QRICH2: variants seen among roughly 807,000 people sequenced by gnomAD.
QRICH2 encodes the protein glutamine rich 2.
Under a neutral mutation model 168.3 loss-of-function variants are expected in QRICH2, and 119 were observed. That is an observed-to-expected ratio of 0.71 (90% CI 0.61 to 0.82). The LOEUF is 0.82. Ranked by LOEUF, QRICH2 falls within the 40% of genes least tolerant of loss-of-function variation. The pLI is 0.00. For missense variants in QRICH2, 2,241 were observed against 2,491.6 expected, an observed-to-expected ratio of 0.90 and a Z score of 2.14; for synonymous variants, 894 against 951.2, an observed-to-expected ratio of 0.94 and a Z score of 1.11.
rs554427852 is a variant in QRICH2, at chr17:76,281,943, C to A, written c.4184G>T (p.Arg1395Leu). ...CATGTCTTGGAGTTGCTCATAGCGC[C>A]GCACCAGCGTGCTGACCTGATGGCT... ...DVSHQVSTLV[R>L]RYEQLQDMVN... is the part of the protein sequence containing the mutation. Residue 1395 changes from arginine to leucine, a missense_variant, in exon 8 of 19, where the codon CGG becomes CTG. By Grantham distance (102) the Arg-to-Leu change is moderately radical (BLOSUM62 -2). Around this residue, in one of 3 missense-constraint regions of QRICH2, gnomAD observed 2,047 missense variants for 2,303.8 expected, o/e 0.89. Transcript: ENST00000680821. The surrounding 1 kb of genome is among the most constrained non-coding windows in gnomAD (Gnocchi z 4.4). 1 of 1,613,858 alleles carries A rather than the reference C, an allele frequency of 6.2e-7. No homozygotes were observed. The highest frequency in any genetic ancestry group is 1.1e-5 in the South Asian group (1 of 91,076).
At chr17:76,308,555 T>TG (rs1021417372), upstream of QRICH2, 2 of 918,192 alleles carry the variant, frequency 2.2e-6, no homozygotes, top group African/African-American at 3.6e-5. Context: ...TCCAGAGTGG[T>TG]GGCCCCATGT....
rs2070801197 is a variant in QRICH2 at position 76,282,128 on chromosome 17, G to C, written c.4012-13C>G. ...TGAGCTTGTCCAACTGCGTGCAGGAGAGACGGCAGCAGCAGGGCAGTGAGG... is the reference window on the plus strand; with the variant it reads ...TGAGCTTGTCCAACTGCGTGCAGGACAGACGGCAGCAGCAGGGCAGTGAGG... On this transcript the variant is annotated splice_polypyrimidine_tract_variant and intron_variant, in intron 7 of 18. Coordinates refer to ENST00000680821, the MANE Select transcript of QRICH2 (RefSeq NM_001388453.1). The C allele has an allele frequency of 6.3e-7, 1 of 1,591,182 alleles. No homozygotes were observed. The highest frequency in any genetic ancestry group is 2.3e-5 in the East Asian group (1 of 44,266).
Position 76,304,440 on chromosome 17 carries a change from G to T in QRICH2, c.680C>A (p.Thr227Lys). The T allele has an allele frequency of 6.2e-7, 1 of 1,613,274 alleles. No individual in the cohort carries two copies. The highest frequency in any genetic ancestry group is 1.3e-5 in the African/African-American group (1 of 75,060). ...CGCTTGTGAGGCTCTCCAGCCGTCC[G>T]TAATCGCCTGCTCCAGCTCTTCCCA... The part of the protein sequence containing the change: ...VTWEELEQAI[T>K]DGWRASQAGS... The change falls in exon 3 of 19, where the codon ACG becomes AAG. Residue 227 changes from threonine to lysine, a missense_variant. Thr to Lys is a moderately conservative substitution (Grantham distance 78). Around this residue, in one of 3 missense-constraint regions of QRICH2, gnomAD observed 2,047 missense variants for 2,303.8 expected, o/e 0.89. Coordinates refer to ENST00000680821, the MANE Select transcript of QRICH2 (RefSeq NM_001388453.1).
At position 76,287,837 on chromosome 17, in the gene QRICH2, T is replaced by C. The variant is rs2070918218; in HGVS notation, c.3859A>G (p.Lys1287Glu). Residue 1287 changes from lysine (K) to glutamate (E), a missense_variant, in exon 6 of 19, where the codon AAA becomes GAA. Physicochemically the swap from Lys to Glu is moderately conservative, Grantham distance 56. Coordinates refer to ENST00000680821, the MANE Select transcript of QRICH2 (RefSeq NM_001388453.1). ...EGNQEAGKEL[K>E]AGELRLQLGV... The stretch of plus-strand genomic sequence containing the variant: ...AGCTGCAATCTCAGCTCTCCAGCTT[T>C]CAGTTCCTTCCCTGCTTCTTGATTC... 3.1e-6 allele frequency: 5 copies of C among 1,614,152 alleles called. No homozygotes were observed. Among genetic ancestry groups the C allele is most frequent in the Non-Finnish European group, 4.2e-6 (5 of 1,180,010 alleles).
At chr17:76,295,182 C>G (rs901038826) in intron 3 of QRICH2, among the ~76,000 whole-genome samples, 4 of 151,866 alleles carry the variant, frequency 2.6e-5, no homozygotes, top group Admixed American at 6.6e-5. Flanking sequence ...TCGCCTGAAC[C>G]CAGGAGGCAG....
At position 76,280,560 on chromosome 17, in the gene QRICH2, C is replaced by T. The variant is rs969617893; in HGVS notation, c.4461+94G>A. On this transcript the variant is annotated intron_variant, in intron 10 of 18. Coordinates refer to ENST00000680821, the MANE Select transcript of QRICH2 (RefSeq NM_001388453.1). This position sits in a 1 kb window ranked among gnomAD's most constrained non-coding sequence, Gnocchi z 7.4. Reference sequence around the variant, plus strand: ...CCAGGCAGGTTTCTGAGAGCCCACACTCGTCTCGCCAGCTCCCCTCCACTC... The same window carrying T: ...CCAGGCAGGTTTCTGAGAGCCCACATTCGTCTCGCCAGCTCCCCTCCACTC... 1.4e-5 allele frequency: 22 copies of T among 1,594,786 alleles called. No homozygotes were observed. The highest frequency in any genetic ancestry group is 1.8e-5 in the Non-Finnish European group (21 of 1,165,420).
Position 76,281,216 on chromosome 17 carries a change from C to T in QRICH2, c.4264-263G>A, listed in dbSNP as rs1381137632. 6.6e-6 allele frequency among the ~76,000 whole-genome samples: 1 copy of T among 152,168 alleles called. No homozygotes were observed. Among genetic ancestry groups the T allele is most frequent in the Admixed American group, 6.5e-5 (1 of 15,276 alleles). ...GGAAAACAATTTTCCACTAACAGTG[C>T]GGGAGGCCCTCTGTCTGCCCTTTCT... On this transcript the variant is annotated intron_variant, in intron 8 of 18. Coordinates refer to ENST00000680821, the MANE Select transcript of QRICH2 (RefSeq NM_001388453.1). The surrounding 1 kb of genome is among the most constrained non-coding windows in gnomAD (Gnocchi z 4.4).
intron 3 of QRICH2, among the ~76,000 whole-genome samples, chr17:76,297,020 C>T (rs2070808341): frequency 6.6e-6 from 1 of 152,170 alleles, no homozygotes; most frequent in African/African-American, 2.4e-5. Flanking sequence ...AAAAACTCAT[C>T]ATTCAAGTAG....
rs1015490779 is a variant in QRICH2, at chr17:76,296,796, A to T, written c.706-2775T>A. On this transcript the variant is annotated intron_variant, in intron 3 of 18. Coordinates refer to ENST00000680821, the MANE Select transcript of QRICH2 (RefSeq NM_001388453.1). ...CTGTCTCAAAAAAAAAAAAAAAAAAAAATAACCAGAAAGAAGGGAGATGAC... is the reference window on the plus strand; with the variant it reads ...CTGTCTCAAAAAAAAAAAAAAAAAATAATAACCAGAAAGAAGGGAGATGAC... Among the ~76,000 whole-genome samples, 41 of 151,660 alleles carry T rather than the reference A, an allele frequency of 2.7e-4. 1 individual carries two copies. Among genetic ancestry groups the T allele is most frequent in the Non-Finnish European group, 5.6e-4 (38 of 67,904 alleles).
At position 76,279,410 on chromosome 17, in the gene QRICH2, GA is replaced by G; in HGVS notation, c.4766del (p.Phe1589SerfsTer14). ...AGGGCCGGTCACATGAGAGGCAGTG[GA>G]AATGTGCCAGGAGCTGCCTGTTAGG... Reference protein sequence around the residue: ...AAMRRQLLAHFHCLSCDRPLE... With the variant: ...AAMRRQLLAHXHCLSCDRPLE... On this transcript the variant is annotated frameshift_variant, in exon 13 of 19. Coordinates refer to ENST00000680821, the MANE Select transcript of QRICH2 (RefSeq NM_001388453.1). LOFTEE classifies it high-confidence loss of function. 6.2e-7 allele frequency: 1 copy of G among 1,612,508 alleles called. No homozygotes were observed. Among genetic ancestry groups the G allele is most frequent in the South Asian group, 1.1e-5 (1 of 90,708 alleles).
intron 13 of QRICH2, 40 bp from the exon 14 acceptor site, chr17:76,279,182 G>A: frequency 6.6e-7 from 1 of 1,517,890 alleles, no homozygotes; most frequent in South Asian, 1.2e-5. Context: ...GTCAGAGTGG[G>A]ACAAGTCCGG....
upstream of QRICH2, among the ~76,000 whole-genome samples, chr17:76,308,907 G>C (rs946356195): frequency 1.3e-5 from 2 of 150,690 alleles, no homozygotes; most frequent in Non-Finnish European, 2.9e-5. Context: ...TACCATGCCC[G>C]GCTAATTTTT....
In QRICH2 at chr17:76,287,209, G is replaced by A; in HGVS notation, c.3994C>T (p.Leu1332Phe). 1 of 1,613,306 alleles carries A rather than the reference G, an allele frequency of 6.2e-7. No individual in the cohort carries two copies. Among genetic ancestry groups the A allele is most frequent in the Non-Finnish European group, 8.5e-7 (1 of 1,179,278 alleles). Residue 1332 changes from leucine to phenylalanine, a missense_variant, in exon 7 of 19, where the codon CTT (leucine) becomes TTT (phenylalanine). Leu to Phe is a conservative substitution (Grantham distance 22, BLOSUM62 0). Coordinates refer to ENST00000680821, the MANE Select transcript of QRICH2 (RefSeq NM_001388453.1). ...AMENSVSEAS[L>F]YLQDQLDKLR... ...ATCCTCACCTGGTCCTGCAGGTAAA[G>A]GGAGGCTTCAGAGACAGAATTTTCC...
chr17:76,297,870 G>GTTTTTTTTTGT, intron 3 of QRICH2, among the ~76,000 whole-genome samples: 1 of 79,492 alleles, frequency 1.3e-5, no homozygotes, highest in South Asian at 4.7e-4. Flanking sequence ...TTAGGAATCT[G>GTTTTTTTTTGT]TTTTTTTTTT....
intron 7 of QRICH2, among the ~76,000 whole-genome samples, chr17:76,284,154 C>A (rs2070838180): frequency 1.2e-5 from 1 of 80,034 alleles, no homozygotes; most frequent in Admixed American, 1.8e-4. Flanking sequence ...GGCAACAGAG[C>A]AAAACTCTGT....
chr17:76,282,071 G>C lies in QRICH2; in HGVS notation c.4056C>G (p.Ser1352=), dbSNP rs778915783. ...RMIIESMLTS[S]STLLSMSMAP... ...CCATGCTCATGGACAGGAGCGTGGA[G>C]GAGGAGGTCAGCATGCTCTCAATGA... The change falls in exon 8 of 19, where the codon TCC becomes TCG. Residue 1352 remains serine, a synonymous_variant. Coordinates refer to ENST00000680821, the MANE Select transcript of QRICH2 (RefSeq NM_001388453.1). The C allele has an allele frequency of 3.7e-6, 6 of 1,611,626 alleles. No homozygotes were observed. In the South Asian group the frequency reaches 4.4e-5, roughly 12 times the overall value.
rs1160064585 is a variant in QRICH2, at chr17:76,292,842, C to T, written c.1885G>A (p.Gly629Ser). 1 of 1,603,704 alleles carries T rather than the reference C, an allele frequency of 6.2e-7. No homozygotes were observed. ...TGATCTCTACCAGGTTGGGCCAAAC[C>T]AGACTGATCCATTCCAGGCCAGACC... is the stretch of plus-strand genomic sequence containing the variant. ...GLVWPGMDQS[G>S]LAQPGRDQHG... Residue 629 changes from glycine (G) to serine (S), a missense_variant, in exon 4 of 19, where the codon GGT becomes AGT. Physicochemically the swap from Gly to Ser is moderately conservative, Grantham distance 56. This residue lies in a region of QRICH2 where 2,047 missense variants were observed against 2,303.8 expected (regional missense o/e 0.89). Coordinates refer to ENST00000680821, the MANE Select transcript of QRICH2 (RefSeq NM_001388453.1).
chr17:76,295,026 T>C (rs2070773647), intron 3 of QRICH2, among the ~76,000 whole-genome samples: 2 of 150,700 alleles, frequency 1.3e-5, no homozygotes, highest in African/African-American at 4.9e-5. Context: ...GGTCAAGAGA[T>C]TGAGACCATC....
intron 4 of QRICH2, among the ~76,000 whole-genome samples, chr17:76,290,362 G>A (rs1197001561): frequency 6.6e-6 from 1 of 152,030 alleles, no homozygotes; most frequent in African/African-American, 2.4e-5. Flanking sequence ...TCTGGGCTTG[G>A]AGTTGGGAAC....
Sources: allele counts gnomAD v4.1 joint callset (sites outside exome capture counted in the v4.1 genomes callset), GRCh38; gene constraint gnomAD v4.1.1; regional missense constraint gnomAD v4.1.1; non-coding constraint Gnocchi (gnomAD v3.1); transcripts MANE v1.5; gene names NCBI Gene and HGNC (gene_info 2026-07-23, HGNC 2026-07-21).